The following IGFL2 variants were observed in gnomAD, a reference collection of about 807,000 sequenced individuals.
IGFL2 encodes insulin growth factor-like family member 2.
A neutral mutation model predicts 13.9 loss-of-function variants in IGFL2; 7 were observed. The ratio of observed to expected loss-of-function variants is 0.51; its 90% CI spans 0.29 to 0.95. IGFL2 has a LOEUF of 0.95. IGFL2 is among the 40% of genes least tolerant of loss of function. The probability of loss-of-function intolerance (pLI) is 0.08; values close to 1 mark genes in which losing one functional copy is unlikely to be tolerated. For missense variants in IGFL2, 138 were observed against 147.8 expected (o/e 0.93, Z 0.34); for synonymous variants, 55 against 55.8 (o/e 0.99, Z 0.07).
At chr19:46,136,851 G>A in the IGFL2 span, 1 of 721,950 alleles carries the variant, frequency 1.4e-6, no homozygotes, top group Non-Finnish European at 2.6e-6. Context: ...CATTGGAGTA[G>A]GGGGAGGAGT....
chr19:46,085,024 A>G, the IGFL2 span, among the ~76,000 whole-genome samples: 4 of 152,214 alleles, frequency 2.6e-5, no homozygotes, highest in Non-Finnish European at 4.4e-5. Context: ...AATCAAAACA[A>G]GTTATTTACT....
At chr19:46,215,116 G>A in the IGFL2 span, among the ~76,000 whole-genome samples, 258 of 151,038 alleles carry the variant, frequency 1.7e-3, 1 homozygote, top group African/African-American at 4.9e-3. Flanking sequence ...ACCCTCCTAG[G>A]AGTCACTTGA....
the IGFL2 span, among the ~76,000 whole-genome samples, chr19:46,108,551 G>T: frequency 2.2e-4 from 34 of 152,184 alleles, no homozygotes; most frequent in East Asian, 4.5e-3. Context: ...AGGGTGGAAG[G>T]TTGCCCATAG....
the IGFL2 span, among the ~76,000 whole-genome samples, chr19:46,104,326 G>T: frequency 6.6e-6 from 1 of 152,186 alleles, no homozygotes; most frequent in African/African-American, 2.4e-5. Flanking sequence ...GCTGAGCTTG[G>T]TGAGGTGTGT....
chr19:46,138,663 A>C (rs139708291), upstream of IGFL2, among the ~76,000 whole-genome samples: 1 of 152,268 alleles, frequency 6.6e-6, no homozygotes, highest in Non-Finnish European at 1.5e-5. Context: ...ATAGTTGGAC[A>C]GGGTCTACTG....
chr19:46,126,336 A>G, the IGFL2 span, among the ~76,000 whole-genome samples: 4 of 152,326 alleles, frequency 2.6e-5, no homozygotes, highest in African/African-American at 9.6e-5. Flanking sequence ...TACCAACAGC[A>G]TTGGTCATGC....
the IGFL2 span, among the ~76,000 whole-genome samples, chr19:46,135,207 C>T: frequency 6.6e-6 from 1 of 152,120 alleles, no homozygotes; most frequent in Non-Finnish European, 1.5e-5. Context: ...TATTGACTAA[C>T]ACTATTAATG....
the IGFL2 span, among the ~76,000 whole-genome samples, chr19:46,193,616 G>T: frequency 1.3e-5 from 2 of 151,872 alleles, no homozygotes; most frequent in Admixed American, 6.6e-5. Context: ...TAAGATCTAT[G>T]GTAAGAATGA....
chr19:46,160,310 G>A (rs1439390169), intron 1 of IGFL2, 105 bp from the exon 2 acceptor site: 1 of 951,900 alleles, frequency 1.1e-6, no homozygotes, highest in East Asian at 2.6e-5. Context: ...AGCCTTTAGA[G>A]CTAATCTGGA....
At chr19:46,151,260 A>T (rs1973470547) in intron 1 of IGFL2, among the ~76,000 whole-genome samples, 1 of 152,154 alleles carries the variant, frequency 6.6e-6, no homozygotes, top group South Asian at 2.1e-4. Context: ...ATTTTGAGTT[A>T]ATCCTTGTGT....
chr19:46,114,329 T>C, the IGFL2 span, among the ~76,000 whole-genome samples: 1 of 152,224 alleles, frequency 6.6e-6, no homozygotes, highest in Non-Finnish European at 1.5e-5. Flanking sequence ...TGATACCTTT[T>C]CCACTATAAA....
chr19:46,105,613 A>G, the IGFL2 span, among the ~76,000 whole-genome samples: 1 of 152,236 alleles, frequency 6.6e-6, no homozygotes, highest in Non-Finnish European at 1.5e-5. Flanking sequence ...CAGACTCAAC[A>G]AAGAGTGAAT....
chr19:46,105,879 C>G, the IGFL2 span, among the ~76,000 whole-genome samples: 1 of 152,114 alleles, frequency 6.6e-6, no homozygotes, highest in Non-Finnish European at 1.5e-5. Context: ...CTGCACAGCC[C>G]TGTACTTCAG....
the IGFL2 span, among the ~76,000 whole-genome samples, chr19:46,170,625 G>T: frequency 1.8e-4 from 27 of 152,126 alleles, no homozygotes; most frequent in African/African-American, 6.3e-4. Context: ...AAATATTGCT[G>T]AATTCTTTTC....
chr19:46,126,666 T>C, the IGFL2 span, among the ~76,000 whole-genome samples: 2 of 152,238 alleles, frequency 1.3e-5, no homozygotes, highest in East Asian at 3.8e-4. Context: ...ATTTACGTCA[T>C]CGTCTTCTAT....
the IGFL2 span, among the ~76,000 whole-genome samples, chr19:46,166,901 A>G: frequency 6.6e-6 from 1 of 152,132 alleles, no homozygotes; most frequent in Non-Finnish European, 1.5e-5. Flanking sequence ...GGGTGCCCAC[A>G]TTTCATATTG....
chr19:46,114,951 G>T, the IGFL2 span, among the ~76,000 whole-genome samples: 2 of 152,124 alleles, frequency 1.3e-5, no homozygotes, highest in African/African-American at 4.8e-5. Context: ...TTCATCCATA[G>T]CCCTAGTGGC....
At chr19:46,100,359 C>T in the IGFL2 span, among the ~76,000 whole-genome samples, 8 of 152,058 alleles carry the variant, frequency 5.3e-5, no homozygotes, top group South Asian at 2.1e-4. Flanking sequence ...AGGATGCACC[C>T]GGGAAACAGG....
At chr19:46,137,639 A>C in the IGFL2 span, 1,275 of 762,408 alleles carry the variant, frequency 1.7e-3, 16 homozygotes, top group South Asian at 0.012. Context: ...ACCCTGCGTG[A>C]CCCAGGATGG....
Sources: allele counts gnomAD v4.1 joint callset (sites outside exome capture counted in the v4.1 genomes callset), GRCh38; gene constraint gnomAD v4.1.1; transcripts MANE v1.5; gene names NCBI Gene and HGNC (gene_info 2026-07-23, HGNC 2026-07-21).